Variants in INPP5F observed in about 807,000 individuals in gnomAD.
INPP5F encodes the protein phosphatidylinositide 4-phosphatase SAC2.
In INPP5F, 97 loss-of-function variants were observed where a neutral mutation model predicts 137.2. That is an observed-to-expected ratio of 0.71 (90% CI 0.60 to 0.84). The LOEUF (loss-of-function observed/expected upper bound fraction) is 0.84. INPP5F is among the 40% of genes least tolerant of loss of function. INPP5F has a pLI of 0.00. For synonymous variants in INPP5F, 504 were observed against 476.9 expected, an observed-to-expected ratio of 1.06 and a Z score of -0.74; for missense variants, 1,271 against 1,371.9, an observed-to-expected ratio of 0.93 and a Z score of 1.16.
chr10:119,806,623 T>A (rs1850800929), intron 12 of INPP5F, 143 bp downstream of exon 12: 1 of 714,392 alleles, frequency 1.4e-6, no homozygotes, highest in Non-Finnish European at 2.1e-6. Context: ...TGCATTAAAA[T>A]CTGGAAAGCA....
intron 2 of INPP5F, among the ~76,000 whole-genome samples, chr10:119,768,764 G>C (rs902360549): frequency 1.3e-5 from 2 of 152,288 alleles, no homozygotes; most frequent in East Asian, 1.9e-4. Context: ...AAACACCTGA[G>C]ACTCATTAGT....
rs141437547 is a variant in INPP5F, at chr10:119,826,670, G to T, written c.2289G>T (p.Arg763Ser). The T allele has an allele frequency of 1.9e-6, 3 of 1,606,092 alleles. No homozygotes were observed. The highest frequency in any genetic ancestry group is 2.7e-5 in the African/African-American group (2 of 74,056). The change falls in exon 20 of 20, where the codon AGG (arginine) becomes AGT (serine). Residue 763 changes from arginine (R) to serine (S), a missense_variant. This residue lies in a region of INPP5F where 490 missense variants were observed against 443.7 expected (regional missense o/e 1.10). Coordinates refer to ENST00000650623, the MANE Select transcript of INPP5F (RefSeq NM_014937.4). ...CTCACGAAGACATCATTGGTATCAG[G>T]TCTCAAAACCAAGGTTCTTTGGCCC... ...SKPHEDIIGI[R>S]SQNQGSLAQG...
At chr10:119,743,227 G>A (rs975122954) in intron 1 of INPP5F, among the ~76,000 whole-genome samples, 1 of 152,152 alleles carries the variant, frequency 6.6e-6, no homozygotes, top group African/African-American at 2.4e-5. Context: ...TCCTTCCAGC[G>A]TGATTCTGTG....
In INPP5F at chr10:119,781,107, C is replaced by G. The variant is rs1317846402; in HGVS notation, c.179-528C>G. 2.0e-5 allele frequency among the ~76,000 whole-genome samples: 3 copies of G among 152,250 alleles called. No homozygotes were observed. The East Asian group carries it at 5.8e-4, about 29-fold the overall frequency. ...GGATGTGCCATAGTTTATTCAACCACTGTCCTGTATCTGGACATTAGGCTG... is the reference window on the plus strand; with the variant it reads ...GGATGTGCCATAGTTTATTCAACCAGTGTCCTGTATCTGGACATTAGGCTG... On this transcript the variant is annotated intron_variant, in intron 2 of 19. Transcript: ENST00000650623.
chr10:119,739,892 T>C (rs1848324562), intron 1 of INPP5F, among the ~76,000 whole-genome samples: 1 of 152,214 alleles, frequency 6.6e-6, no homozygotes, highest in Non-Finnish European at 1.5e-5. Context: ...AGTGTTGGTT[T>C]ACAGGTGTAA....
chr10:119,808,106 G>A, intron 13 of INPP5F, 46 bp downstream of exon 13: 1 of 1,578,698 alleles, frequency 6.3e-7, no homozygotes, highest in Non-Finnish European at 8.6e-7. Context: ...GTAGGACACA[G>A]CTTAGACTAT....
At chr10:119,735,081 C>T (rs963923504) in intron 1 of INPP5F, among the ~76,000 whole-genome samples, 2 of 152,190 alleles carry the variant, frequency 1.3e-5, no homozygotes, top group African/African-American at 2.4e-5. Flanking sequence ...TTCAGCATTA[C>T]AGTACCTTCA....
chr10:119,739,119 C>T (rs1848301897), intron 1 of INPP5F, among the ~76,000 whole-genome samples: 1 of 151,884 alleles, frequency 6.6e-6, no homozygotes, highest in Non-Finnish European at 1.5e-5. Context: ...CAGTTGGAGG[C>T]TGCAGTGAGT....
chr10:119,809,863 C>T (rs1198768455), intron 13 of INPP5F, among the ~76,000 whole-genome samples: 1 of 152,168 alleles, frequency 6.6e-6, no homozygotes, highest in Non-Finnish European at 1.5e-5. Context: ...TGGCTTTACC[C>T]TAAAGCACCA....
At chr10:119,732,500 C>CTTTTTTTTTTTTTTTTTTT (rs59388357) in intron 1 of INPP5F, among the ~76,000 whole-genome samples, 3 of 115,568 alleles carry the variant, frequency 2.6e-5, no homozygotes, top group East Asian at 2.6e-4. Flanking sequence ...TTTCTTTTTT[C>CTTTTTTTTTTTTTTTTTTT]TTTTTTTTTT....
At chr10:119,732,248 G>A (rs196221) in intron 1 of INPP5F, among the ~76,000 whole-genome samples, 140,982 of 151,966 alleles carry the variant, frequency 0.93, 65,529 homozygotes, top group East Asian at 0.97. Flanking sequence ...CGTTGGCCAC[G>A]CTGGTCTTGA....
At chr10:119,736,459 C>T (rs759092044) in intron 1 of INPP5F, among the ~76,000 whole-genome samples, 2 of 152,174 alleles carry the variant, frequency 1.3e-5, no homozygotes, top group Admixed American at 6.5e-5. Context: ...AGCCACTGCA[C>T]CCAGCCCAAA....
In INPP5F at chr10:119,807,921, G is replaced by T. The variant is rs764709063; in HGVS notation, c.1441-11G>T. The T allele has an allele frequency of 6.2e-7, 1 of 1,605,024 alleles. No individual in the cohort carries two copies. Among genetic ancestry groups the T allele is most frequent in the South Asian group, 1.1e-5 (1 of 89,304 alleles). On this transcript the variant is annotated splice_polypyrimidine_tract_variant and intron_variant, in intron 12 of 19. Transcript: ENST00000650623. ...CCATATACAGTTAATCCACCAATGT[G>T]TTCATTTTAGCTGAAAAAATTAGGT... is the stretch of plus-strand genomic sequence containing the variant.
intron 2 of INPP5F, among the ~76,000 whole-genome samples, chr10:119,755,327 T>C (rs1395025772): frequency 6.6e-6 from 1 of 152,214 alleles, no homozygotes; most frequent in Non-Finnish European, 1.5e-5. Context: ...GGCTTGTACA[T>C]GGCCACCATC....
intron 8 of INPP5F, 95 bp from the exon 9 acceptor site, chr10:119,798,448 A>G: frequency 1.2e-6 from 1 of 812,128 alleles, no homozygotes; most frequent in South Asian, 1.7e-5. Context: ...TTGGGCTGTC[A>G]ATAAATTATT....
At chr10:119,776,126 C>T (rs1397550628) in intron 2 of INPP5F, among the ~76,000 whole-genome samples, 1 of 152,110 alleles carries the variant, frequency 6.6e-6, no homozygotes, top group East Asian at 1.9e-4. Flanking sequence ...AATGATGGAG[C>T]TAAAATTTGA....
At chr10:119,771,225 ATTG>A (rs1849324308) in intron 2 of INPP5F, among the ~76,000 whole-genome samples, 1 of 151,990 alleles carries the variant, frequency 6.6e-6, no homozygotes, top group African/African-American at 2.4e-5. Flanking sequence ...CACCTTTGTG[ATTG>A]TTTTTTTTCA....
At chr10:119,796,085 A>AGGGGGG (rs1850371085) in intron 6 of INPP5F, among the ~76,000 whole-genome samples, 2 of 26,942 alleles carry the variant, frequency 7.4e-5, no homozygotes, top group African/African-American at 1.4e-4. Context: ...GGAGAGGGGG[A>AGGGGGG]GGGGGAGGGG....
At chr10:119,785,197 T>A (rs554683110) in intron 3 of INPP5F, among the ~76,000 whole-genome samples, 81 of 152,190 alleles carry the variant, frequency 5.3e-4, no homozygotes, top group African/African-American at 1.8e-3. Flanking sequence ...GTGGTATATT[T>A]GTTTTAATCT....
Sources: gnomAD v4.1 joint callset for allele counts (sites outside exome capture counted in the v4.1 genomes callset) on GRCh38, gnomAD v4.1.1 for gene constraint, gnomAD v4.1.1 regional missense constraint, MANE v1.5 for transcripts, NCBI Gene and HGNC (gene_info 2026-07-23, HGNC 2026-07-21) for gene names.